The following CNTNAP2 variants were observed in gnomAD, a reference collection of about 807,000 sequenced individuals.
CNTNAP2 encodes the protein contactin associated protein 2.
In CNTNAP2, 98 loss-of-function variants were observed where a neutral mutation model predicts 155.2. The observed-to-expected ratio is 0.63, with a 90% CI of 0.54 to 0.75. The LOEUF is 0.75. CNTNAP2 is among the 30% of genes least tolerant of loss of function. The pLI, the probability that CNTNAP2 is intolerant of heterozygous loss-of-function variation, is 0.00. For missense variants in CNTNAP2, 1,727 were observed against 1,688.1 expected (o/e 1.02, Z -0.40); for synonymous variants, 651 against 631.2 (o/e 1.03, Z -0.47).
At chr7:147,315,111 CAAAAAA>C (rs61529667) in intron 9 of CNTNAP2, among the ~76,000 whole-genome samples, 1 of 107,188 alleles carries the variant, frequency 9.3e-6, no homozygotes, top group Non-Finnish European at 2.0e-5. Context: ...GGGTACTTTA[CAAAAAA>C]AAAAAAAAAA....
intron 13 of CNTNAP2, among the ~76,000 whole-genome samples, chr7:147,659,927 G>A (rs1795585964): frequency 6.6e-6 from 1 of 152,178 alleles, no homozygotes; most frequent in South Asian, 2.1e-4. Context: ...CTCAGTGTTT[G>A]CAAATATTCA....
Position 147,943,941 on chromosome 7 carries a change from G to A in CNTNAP2, c.2256-33921G>A, listed in dbSNP as rs1800774343. Among the ~76,000 whole-genome samples the A allele has an allele frequency of 2.0e-5, 3 of 152,046 alleles. No individual in the cohort carries two copies. In the South Asian group the frequency reaches 6.3e-4, roughly 32 times the overall value. ...GTCTCTCCCCAGCAGTTCAATAAGT[G>A]GAAGGTACTCTAGCTAGCATCTCCA... On this transcript the variant is annotated intron_variant, in intron 14 of 23. Transcript: ENST00000361727.
chr7:146,649,603 A>G (rs1476060727), intron 1 of CNTNAP2, among the ~76,000 whole-genome samples: 1 of 152,178 alleles, frequency 6.6e-6, no homozygotes, highest in East Asian at 1.9e-4. Context: ...GTGTATGAAT[A>G]ACCATCTTAT....
At position 146,928,011 on chromosome 7, in the gene CNTNAP2, T is replaced by C. The variant is rs190051977; in HGVS notation, c.402+88107T>C. 4.0e-5 allele frequency among the ~76,000 whole-genome samples: 6 copies of C among 151,168 alleles called. No individual in the cohort carries two copies. In the Admixed American group the frequency reaches 4.0e-4, roughly 10 times the overall value. On this transcript the variant is annotated intron_variant, in intron 3 of 23. Transcript: ENST00000361727. Reference sequence around the variant, plus strand: ...ATATGTATATGCATATAATTTTCCTTATAAAATATCCCTCCTGTAGTCCTC... The same window carrying C: ...ATATGTATATGCATATAATTTTCCTCATAAAATATCCCTCCTGTAGTCCTC...
chr7:146,955,866 A>G (rs1345445157), intron 3 of CNTNAP2, among the ~76,000 whole-genome samples: 2 of 152,098 alleles, frequency 1.3e-5, no homozygotes, highest in Non-Finnish European at 2.9e-5. Flanking sequence ...GGCAGTTAAC[A>G]TGAATACAAA....
intron 1 of CNTNAP2, among the ~76,000 whole-genome samples, chr7:146,303,107 T>TCAC (rs1800642617): frequency 1.3e-5 from 2 of 150,126 alleles, no homozygotes; most frequent in African/African-American, 5.0e-5. Flanking sequence ...TGTGTGTGTG[T>TCAC]GCGCATGCAT....
At chr7:146,615,879 T>G (rs551374464) in intron 1 of CNTNAP2, among the ~76,000 whole-genome samples, 10 of 152,338 alleles carry the variant, frequency 6.6e-5, no homozygotes, top group African/African-American at 2.4e-4. Flanking sequence ...TCGTACTGAT[T>G]CCTTGTCCCC....
intron 9 of CNTNAP2, among the ~76,000 whole-genome samples, chr7:147,314,683 T>A (rs1795194366): frequency 6.6e-6 from 1 of 151,302 alleles, no homozygotes; most frequent in Non-Finnish European, 1.5e-5. Flanking sequence ...GAACTTTTCC[T>A]ATTATCTATG....
chr7:146,489,090 T>C (rs1055988351), intron 1 of CNTNAP2, among the ~76,000 whole-genome samples: 5 of 152,208 alleles, frequency 3.3e-5, no homozygotes, highest in Non-Finnish European at 7.3e-5. Flanking sequence ...TTTCAGCAGT[T>C]TGGGGCCATT....
intron 2 of CNTNAP2, among the ~76,000 whole-genome samples, chr7:146,787,405 C>T (rs553487455): frequency 6.6e-6 from 1 of 152,158 alleles, no homozygotes; most frequent in South Asian, 2.1e-4. Context: ...GAGTTTCTTC[C>T]TTCTGGCGGG....
rs532335071 is a variant in CNTNAP2, at chr7:147,606,934, T to C, written c.1898-32172T>C. Among the ~76,000 whole-genome samples the C allele has an allele frequency of 4.1e-5, 6 of 147,182 alleles. No homozygotes were observed. In the East Asian group the frequency reaches 1.0e-3, roughly 25 times the overall value. ...ATTTTGATAAGCCTCACAGAGAATTTTTTTTTTAATGAGTGAAATCACCAA... is the reference window on the plus strand; with the variant it reads ...ATTTTGATAAGCCTCACAGAGAATTCTTTTTTTAATGAGTGAAATCACCAA... On this transcript the variant is annotated intron_variant, in intron 12 of 23. Coordinates refer to ENST00000361727, the MANE Select transcript of CNTNAP2 (RefSeq NM_014141.6).
At chr7:147,699,081 A>AG (rs1267779734) in intron 13 of CNTNAP2, among the ~76,000 whole-genome samples, 1 of 152,162 alleles carries the variant, frequency 6.6e-6, no homozygotes, top group South Asian at 2.1e-4. Flanking sequence ...TGAGAGGAAA[A>AG]GGGGTAGTAG....
At chr7:146,151,666 A>ATATATATG (rs1798047476) in intron 1 of CNTNAP2, among the ~76,000 whole-genome samples, 1 of 64,014 alleles carries the variant, frequency 1.6e-5, no homozygotes, top group Non-Finnish European at 2.9e-5. Context: ...ATATATATAT[A>ATATATATG]TATATATATA....
At chr7:148,316,619 GC>G (rs1797693708) in intron 21 of CNTNAP2, among the ~76,000 whole-genome samples, 1 of 152,136 alleles carries the variant, frequency 6.6e-6, no homozygotes, top group Admixed American at 6.5e-5. Flanking sequence ...TGGTTTCCTA[GC>G]CCTTGCAAGA....
chr7:146,445,443 C>G (rs1182469187), intron 1 of CNTNAP2, among the ~76,000 whole-genome samples: 1 of 152,084 alleles, frequency 6.6e-6, no homozygotes, highest in Non-Finnish European at 1.5e-5. Context: ...TAATAGAAAC[C>G]TAGAGCAAGC....
intron 15 of CNTNAP2, among the ~76,000 whole-genome samples, chr7:148,076,172 T>C (rs1803479357): frequency 6.6e-6 from 1 of 152,126 alleles, no homozygotes; most frequent in African/African-American, 2.4e-5. Flanking sequence ...GATTCAAGGG[T>C]GGCAAATACT....
chr7:146,409,300 T>A (rs1322176802), intron 1 of CNTNAP2, among the ~76,000 whole-genome samples: 1 of 152,186 alleles, frequency 6.6e-6, no homozygotes, highest in Non-Finnish European at 1.5e-5. Flanking sequence ...TAAAAACCAT[T>A]GCTTAAAACA....
chr7:146,311,075 T>TA (rs201075628), intron 1 of CNTNAP2, among the ~76,000 whole-genome samples: 4,453 of 152,076 alleles, frequency 0.029, 100 homozygotes, highest in African/African-American at 0.061. Context: ...TTGAGGAAGT[T>TA]AAAAAAAATC....
intron 1 of CNTNAP2, among the ~76,000 whole-genome samples, chr7:146,512,528 A>G (rs368401021): frequency 6.8e-6 from 1 of 147,682 alleles, no homozygotes; most frequent in Admixed American, 6.7e-5. Flanking sequence ...AATTGTCCTA[A>G]CTTTTTCATT....
Sources: allele counts gnomAD v4.1 joint callset (sites outside exome capture counted in the v4.1 genomes callset), GRCh38; gene constraint gnomAD v4.1.1; transcripts MANE v1.5; gene names NCBI Gene and HGNC (gene_info 2026-07-23, HGNC 2026-07-21).